The following DNAJB4 variants were observed in gnomAD, a reference collection of about 807,000 sequenced individuals.
The protein encoded by DNAJB4 is DnaJ heat shock protein family (Hsp40) member B4, also known as dnaJ homolog subfamily B member 4.
Under a neutral mutation model 26.6 loss-of-function variants are expected in DNAJB4, and 10 were observed. That is an observed-to-expected ratio of 0.38 (90% CI 0.23 to 0.64). DNAJB4 has a LOEUF of 0.64. Ranked by LOEUF, DNAJB4 falls within the 30% of genes least tolerant of loss-of-function variation. The pLI is 0.58. For synonymous variants in DNAJB4, 136 were observed against 134.8 expected, an observed-to-expected ratio of 1.01 and a Z score of -0.06; for missense variants, 328 against 408.2, an observed-to-expected ratio of 0.80 and a Z score of 1.69.
At chr1:78,000,037 G>A (rs1036997487), upstream of DNAJB4, among the ~76,000 whole-genome samples, 4 of 152,128 alleles carry the variant, frequency 2.6e-5, no homozygotes, top group African/African-American at 9.7e-5. Flanking sequence ...GCTACCTATG[G>A]GAAGTTTTAA....
chr1:77,984,460 C>G (rs1168790001), intron 1 of DNAJB4, among the ~76,000 whole-genome samples: 1 of 150,066 alleles, frequency 6.7e-6, no homozygotes, highest in African/African-American at 2.4e-5. Flanking sequence ...TTCTTTCTTT[C>G]TTTTTTTTTC....
chr1:78,005,411 C>T (rs1316277655), intron 1 of DNAJB4, 90 bp downstream of exon 1: 2 of 1,135,312 alleles, frequency 1.8e-6, no homozygotes, highest in African/African-American at 3.2e-5. Flanking sequence ...CCCTCTCTCT[C>T]AGCTTGTTAA....
At chr1:78,015,795 C>T (rs753581678) in intron 2 of DNAJB4, among the ~76,000 whole-genome samples, 5 of 151,932 alleles carry the variant, frequency 3.3e-5, no homozygotes, top group East Asian at 1.9e-4. Context: ...GTGATCTGCC[C>T]GCCTTGGCCT....
chr1:78,010,672 T>C (rs886641086), intron 1 of DNAJB4, among the ~76,000 whole-genome samples: 3 of 152,308 alleles, frequency 2.0e-5, no homozygotes, highest in Admixed American at 6.5e-5. Flanking sequence ...AGAGTAGATA[T>C]ATACCTTTTA....
At chr1:77,994,786 C>A (rs915369666) in intron 1 of DNAJB4, among the ~76,000 whole-genome samples, 2 of 152,054 alleles carry the variant, frequency 1.3e-5, no homozygotes, top group African/African-American at 4.8e-5. Flanking sequence ...TAAATACATT[C>A]CTACTACCTT....
At chr1:78,011,856 CATT>C (rs1462498263) in intron 1 of DNAJB4, among the ~76,000 whole-genome samples, 1 of 150,872 alleles carries the variant, frequency 6.6e-6, no homozygotes, top group Non-Finnish European at 1.5e-5. Context: ...ATTTTTATTA[CATT>C]ATATTTTTAC....
At chr1:78,012,765 C>T (rs1426165868) in intron 1 of DNAJB4, among the ~76,000 whole-genome samples, 2 of 152,076 alleles carry the variant, frequency 1.3e-5, no homozygotes, top group Admixed American at 6.6e-5. Flanking sequence ...GCCAAGATTG[C>T]GCCATTGCAC....
At chr1:78,000,766 G>A (rs1023314684), upstream of DNAJB4, among the ~76,000 whole-genome samples, 2 of 151,962 alleles carry the variant, frequency 1.3e-5, no homozygotes, top group Non-Finnish European at 2.9e-5. Context: ...GGTGAATCAC[G>A]AGGTCAAGAG....
chr1:78,004,270 A>G (rs934864712), upstream of DNAJB4: 1 of 152,240 alleles, frequency 6.6e-6, no homozygotes, highest in African/African-American at 2.4e-5. Flanking sequence ...AATTTCAAAA[A>G]TAAGTATTTG....
chr1:77,984,035 G>C (rs1297346165), intron 1 of DNAJB4, among the ~76,000 whole-genome samples: 5 of 152,138 alleles, frequency 3.3e-5, no homozygotes, highest in Non-Finnish European at 7.4e-5. Flanking sequence ...TTAGACTGGG[G>C]TACCTCCAGT....
At chr1:77,997,626 T>G (rs1369752659) in intron 1 of DNAJB4, among the ~76,000 whole-genome samples, 5 of 152,206 alleles carry the variant, frequency 3.3e-5, no homozygotes, top group Admixed American at 2.6e-4. Context: ...ATACATTTTA[T>G]GCTCTTTTGC....
At chr1:77,994,525 C>T (rs993659053) in intron 1 of DNAJB4, among the ~76,000 whole-genome samples, 10 of 151,888 alleles carry the variant, frequency 6.6e-5, no homozygotes, top group Non-Finnish European at 1.2e-4. Context: ...TGCATATCCT[C>T]TCCTCCTCTT....
At chr1:77,994,960 A>G (rs1056610596) in intron 1 of DNAJB4, among the ~76,000 whole-genome samples, 1 of 152,190 alleles carries the variant, frequency 6.6e-6, no homozygotes, top group Non-Finnish European at 1.5e-5. Context: ...TGAGATTCAC[A>G]GGCTGAGATT....
chr1:77,999,688 G>C (rs2102600301), intron 1 of DNAJB4, among the ~76,000 whole-genome samples: 1 of 152,252 alleles, frequency 6.6e-6, no homozygotes, highest in South Asian at 2.1e-4. Context: ...CATATAAATT[G>C]TAGTGCTGAC....
At chr1:77,992,098 C>T (rs1659943351) in intron 1 of DNAJB4, among the ~76,000 whole-genome samples, 1 of 151,874 alleles carries the variant, frequency 6.6e-6, no homozygotes, top group Non-Finnish European at 1.5e-5. Context: ...TTTTATAGAA[C>T]ATAACTATGG....
chr1:78,008,863 GT>G (rs1440667510), intron 1 of DNAJB4, among the ~76,000 whole-genome samples: 1 of 152,132 alleles, frequency 6.6e-6, no homozygotes, highest in Non-Finnish European at 1.5e-5. Flanking sequence ...GTCTTGAATA[GT>G]TTAGTGGATG....
intron 1 of DNAJB4, 21 bp downstream of exon 1, chr1:78,005,342 T>C (rs187315277): frequency 3.2e-6 from 5 of 1,573,762 alleles, no homozygotes; most frequent in East Asian, 2.3e-5. Context: ...TCTGTATATC[T>C]TTCTGTCTCT....
intron 1 of DNAJB4, among the ~76,000 whole-genome samples, chr1:78,008,733 A>G (rs1253875373): frequency 6.6e-6 from 1 of 152,136 alleles, no homozygotes; most frequent in East Asian, 1.9e-4. Flanking sequence ...AATTTTATAT[A>G]TGTAATAAAT....
At chr1:77,994,925 G>A (rs1660025509) in intron 1 of DNAJB4, among the ~76,000 whole-genome samples, 1 of 152,026 alleles carries the variant, frequency 6.6e-6, no homozygotes, top group African/African-American at 2.4e-5. Flanking sequence ...CATGTGAGAG[G>A]TATGTATGTG....
Sources: gnomAD v4.1 joint callset for allele counts (sites outside exome capture counted in the v4.1 genomes callset) on GRCh38, gnomAD v4.1.1 for gene constraint, MANE v1.5 for transcripts, NCBI Gene and HGNC (gene_info 2026-07-23, HGNC 2026-07-21) for gene names.